The following AKAP11 variants were observed in gnomAD, a reference collection of about 807,000 sequenced individuals.
AKAP11 encodes A-kinase anchor protein 11.
Under a neutral mutation model 146.1 loss-of-function variants are expected in AKAP11, and 36 were observed. The observed-to-expected ratio is 0.25, with a 90% CI of 0.19 to 0.33. The LOEUF (loss-of-function observed/expected upper bound fraction) is 0.33. Among genes scored for constraint, AKAP11 ranks in the 10% least tolerant of loss-of-function variants. AKAP11 has a pLI of 1.00. For synonymous variants in AKAP11, 780 were observed against 786.5 expected (o/e 0.99, Z 0.14); for missense variants, 2,201 against 2,197.0 (o/e 1.00, Z -0.04).
Position 42,292,639 on chromosome 13 carries a change from G to A in AKAP11, c.168+138G>A, listed in dbSNP as rs1223072521. On this transcript the variant is annotated intron_variant, in intron 4 of 12. Coordinates refer to ENST00000025301, the MANE Select transcript of AKAP11 (RefSeq NM_016248.4). ...TACATGTATCAGAAGTACCTGTTTTGTGGGCGGGAGAGGGGAAAAAAAAGA... is the reference window on the plus strand; with the variant it reads ...TACATGTATCAGAAGTACCTGTTTTATGGGCGGGAGAGGGGAAAAAAAAGA... 1.7e-5 allele frequency: 8 copies of A among 474,280 alleles called. No homozygotes were observed. In the East Asian group the frequency reaches 2.6e-4, roughly 15 times the overall value. 29.4% of individuals were successfully genotyped at this position (474,280 alleles called of 1,614,324 possible).
At chr13:42,273,055 G>A (rs1958818358) in intron 1 of AKAP11, among the ~76,000 whole-genome samples, 1 of 152,130 alleles carries the variant, frequency 6.6e-6, no homozygotes, top group South Asian at 2.1e-4. Flanking sequence ...GGAGTTTCAT[G>A]GTGAGAAAGA....
At chr13:42,291,690 T>TGGG in intron 3 of AKAP11, among the ~76,000 whole-genome samples, 1 of 152,294 alleles carries the variant, frequency 6.6e-6, no homozygotes. Context: ...ATGGGAAGAC[T>TGGG]GGGAAGTAAG....
In AKAP11 at chr13:42,320,046, A is replaced by G. The variant is rs1169202125; in HGVS notation, c.*818A>G. On this transcript the variant is annotated 3_prime_UTR_variant, in exon 13 of 13. Transcript: ENST00000025301. ...TTAAAATTTAAAAAGGTGCTTTAAA[A>G]TAAAACGCCTATAAAGATTGTGCAG... 1 of 152,616 alleles carries G rather than the reference A, an allele frequency of 6.6e-6. No individual in the cohort carries two copies. The highest frequency in any genetic ancestry group is 1.5e-5 in the Non-Finnish European group (1 of 68,004). 9.5% of individuals were successfully genotyped at this position (152,616 alleles called of 1,614,324 possible).
chr13:42,302,166 T>G lies in AKAP11; in HGVS notation c.3420T>G (p.Thr1140=). The change falls in exon 8 of 13, where the codon ACT becomes ACG. Residue 1140 remains threonine, a synonymous_variant. Coordinates refer to ENST00000025301, the MANE Select transcript of AKAP11 (RefSeq NM_016248.4). Reference sequence around the variant, plus strand: ...TTGCACCTGCTACACCACCTTCTACTCCACACAACTCATCTGTTGGTAGTT... The same window carrying G: ...TTGCACCTGCTACACCACCTTCTACGCCACACAACTCATCTGTTGGTAGTT... ...KEFAPATPPS[T]PHNSSVGSLS... The G allele has an allele frequency of 6.2e-7, 1 of 1,614,108 alleles. No homozygotes were observed. The highest frequency in any genetic ancestry group is 8.5e-7 in the Non-Finnish European group (1 of 1,179,978).
chr13:42,319,008 C>T lies in AKAP11; in HGVS notation c.5566-80C>T, dbSNP rs1034213753. 2.7e-5 allele frequency: 40 copies of T among 1,455,626 alleles called. No homozygotes were observed. The African/African-American group carries it at 5.3e-4, about 19-fold the overall frequency. 90.2% of individuals were successfully genotyped at this position (1,455,626 alleles called of 1,614,324 possible). ...TGTAAACAGCAGGATTCTTAAGTTT[C>T]AGCTAATATTGAAAATAAAAATAAA... On this transcript the variant is annotated intron_variant, in intron 12 of 12. Coordinates refer to ENST00000025301, the MANE Select transcript of AKAP11 (RefSeq NM_016248.4).
chr13:42,283,972 A>G (rs1382800843), intron 1 of AKAP11, among the ~76,000 whole-genome samples: 2 of 152,166 alleles, frequency 1.3e-5, no homozygotes, highest in Non-Finnish European at 2.9e-5. Context: ...AATGAACCAG[A>G]CTATAAAACC....
At chr13:42,292,578 T>A in intron 4 of AKAP11, 77 bp downstream of exon 4, 1 of 841,500 alleles carries the variant, frequency 1.2e-6, no homozygotes, top group Non-Finnish European at 1.7e-6. Flanking sequence ...GACTCTATGA[T>A]CTATTTTTAA....
chr13:42,273,999 C>T (rs987113055), intron 1 of AKAP11, among the ~76,000 whole-genome samples: 1 of 152,116 alleles, frequency 6.6e-6, no homozygotes, highest in Admixed American at 6.5e-5. Context: ...AGAAAAAATT[C>T]CTTCTTACTC....
chr13:42,295,273 G>T (rs1420602929), intron 4 of AKAP11, among the ~76,000 whole-genome samples: 1 of 152,186 alleles, frequency 6.6e-6, no homozygotes, highest in Non-Finnish European at 1.5e-5. Context: ...GGGGGCTCGT[G>T]TGTAAGTGAA....
At chr13:42,285,699 G>T (rs1376532466) in intron 1 of AKAP11, among the ~76,000 whole-genome samples, 2 of 152,238 alleles carry the variant, frequency 1.3e-5, no homozygotes, top group Non-Finnish European at 2.9e-5. Context: ...GGCAGGTGTT[G>T]TGTGTGTTAA....
intron 1 of AKAP11, among the ~76,000 whole-genome samples, chr13:42,277,843 T>C (rs1958963555): frequency 6.6e-6 from 1 of 152,236 alleles, no homozygotes; most frequent in Admixed American, 6.5e-5. Flanking sequence ...CACTGTTACT[T>C]AGACGCTTGG....
At chr13:42,285,820 G>A (rs952597188) in intron 1 of AKAP11, among the ~76,000 whole-genome samples, 166 bp from the exon 2 acceptor site, 5 of 150,120 alleles carry the variant, frequency 3.3e-5, no homozygotes, top group African/African-American at 9.7e-5. Flanking sequence ...TTTCTCATTC[G>A]TCTATTATCA....
chr13:42,288,101 A>G (rs1484822649), intron 3 of AKAP11, among the ~76,000 whole-genome samples: 2 of 152,208 alleles, frequency 1.3e-5, no homozygotes, highest in Non-Finnish European at 2.9e-5. Context: ...ACCACCTTCT[A>G]CATCTTGGTG....
intron 3 of AKAP11, 122 bp downstream of exon 3, chr13:42,286,521 G>A: frequency 1.7e-6 from 1 of 601,456 alleles, no homozygotes; most frequent in Non-Finnish European, 2.7e-6. Flanking sequence ...TAGTAACATT[G>A]AACTACTGCA....
At chr13:42,281,980 CTT>C (rs374402483) in intron 1 of AKAP11, among the ~76,000 whole-genome samples, 9 of 141,428 alleles carry the variant, frequency 6.4e-5, no homozygotes, top group African/African-American at 5.2e-5. Flanking sequence ...TTTTTTCTTT[CTT>C]TTTTTTTTTT....
chr13:42,314,766 A>G (rs1012003388), intron 11 of AKAP11, among the ~76,000 whole-genome samples: 2 of 152,266 alleles, frequency 1.3e-5, no homozygotes, highest in Non-Finnish European at 2.9e-5. Context: ...TCACTCACGC[A>G]TACACATATT....
At chr13:42,274,351 G>T (rs538677834) in intron 1 of AKAP11, among the ~76,000 whole-genome samples, 1 of 152,060 alleles carries the variant, frequency 6.6e-6, no homozygotes, top group East Asian at 1.9e-4. Flanking sequence ...CAAGTGTCTC[G>T]ATTCTCCCAG....
In AKAP11 at chr13:42,302,606, A is replaced by G. The variant is rs762357893; in HGVS notation, c.3860A>G (p.Lys1287Arg). Residue 1287 changes from lysine to arginine, a missense_variant, in exon 8 of 13, where the codon AAG becomes AGG. Around this residue, in one of 3 missense-constraint regions of AKAP11, gnomAD observed 1,867 missense variants for 1,833.5 expected, o/e 1.02. Transcript: ENST00000025301. The stretch of plus-strand genomic sequence containing the variant: ...AATTGTATGCTTTTCAAGCAAAAGA[A>G]GAACAGTTGTTATGCTGATGGTGAC... ...VRNCMLFKQK[K>R]NSCYADGDED... 1.2e-6 allele frequency: 2 copies of G among 1,614,192 alleles called. No homozygotes were observed. Among genetic ancestry groups the G allele is most frequent in the Non-Finnish European group, 1.7e-6 (2 of 1,180,030 alleles).
In AKAP11 at chr13:42,299,816, A is replaced by G. The variant is rs1959745403; in HGVS notation, c.1070A>G (p.Asp357Gly). The change falls in exon 8 of 13, where the codon GAT becomes GGT. Residue 357 changes from aspartate (D) to glycine (G), a missense_variant. By Grantham distance (94) the Asp-to-Gly change is moderately conservative (BLOSUM62 -1). Transcript: ENST00000025301. ...GACTCAGAAGTAAGTGAATTTTTTGATAGTTTTGATCAGTTTGATGAACTA... is the reference window on the plus strand; with the variant it reads ...GACTCAGAAGTAAGTGAATTTTTTGGTAGTTTTGATCAGTTTGATGAACTA... ...DSDSEVSEFF[D>G]SFDQFDELEQ... 6.2e-7 allele frequency: 1 copy of G among 1,613,652 alleles called. No homozygotes were observed. Among genetic ancestry groups the G allele is most frequent in the Non-Finnish European group, 8.5e-7 (1 of 1,179,866 alleles).
Sources: allele counts gnomAD v4.1 joint callset (sites outside exome capture counted in the v4.1 genomes callset), GRCh38; gene constraint gnomAD v4.1.1; regional missense constraint gnomAD v4.1.1; transcripts MANE v1.5; gene names NCBI Gene and HGNC (gene_info 2026-07-23, HGNC 2026-07-21).